The following GRID1 variants were observed in gnomAD, a reference collection of about 807,000 sequenced individuals.
GRID1 encodes glutamate ionotropic receptor delta type subunit 1.
A neutral mutation model predicts 98.0 loss-of-function variants in GRID1; 28 were observed. The ratio of observed to expected loss-of-function variants is 0.29; its 90% confidence interval spans 0.21 to 0.39. GRID1 has a LOEUF of 0.39. Among genes scored for constraint, GRID1 ranks in the 10% least tolerant of loss-of-function variants. The pLI is 1.00. For missense variants in GRID1, 1,111 were observed against 1,340.5 expected (o/e 0.83, Z 2.67); for synonymous variants, 553 against 538.5 (o/e 1.03, Z -0.37).
intron 4 of GRID1, among the ~76,000 whole-genome samples, chr10:85,993,367 C>T (rs1842704851): frequency 1.3e-5 from 2 of 152,222 alleles, no homozygotes. Flanking sequence ...TGGGCCATCC[C>T]AGGACACTGC....
chr10:86,111,465 C>T (rs1844483109), intron 4 of GRID1, among the ~76,000 whole-genome samples: 1 of 152,186 alleles, frequency 6.6e-6, no homozygotes, highest in Non-Finnish European at 1.5e-5. Context: ...TTGCCCCAAT[C>T]ACTGAAGTTA....
intron 5 of GRID1, among the ~76,000 whole-genome samples, chr10:85,889,483 G>T (rs1030989533): frequency 4.6e-5 from 7 of 152,134 alleles, no homozygotes; most frequent in African/African-American, 1.4e-4. Context: ...TGTCTCCCAG[G>T]TTCATAAATA....
intron 12 of GRID1, among the ~76,000 whole-genome samples, chr10:85,710,186 C>T (rs1231067722): frequency 2.6e-5 from 4 of 152,052 alleles, no homozygotes; most frequent in African/African-American, 9.7e-5. Context: ...GAAAAAAACA[C>T]AATTGAAGGT....
chr10:85,676,692 G>T (rs1425311516), intron 12 of GRID1, among the ~76,000 whole-genome samples: 1 of 152,192 alleles, frequency 6.6e-6, no homozygotes, highest in Non-Finnish European at 1.5e-5. Context: ...AAGCAATGAG[G>T]CACAGCACTG....
intron 4 of GRID1, among the ~76,000 whole-genome samples, chr10:86,131,741 C>G (rs1455358327): frequency 6.6e-6 from 1 of 152,130 alleles, no homozygotes; most frequent in Non-Finnish European, 1.5e-5. Context: ...AAAAATCAAA[C>G]ATTAAATTCT....
At chr10:86,223,822 C>A (rs1427362832) in intron 2 of GRID1, among the ~76,000 whole-genome samples, 1 of 151,946 alleles carries the variant, frequency 6.6e-6, no homozygotes, top group Admixed American at 6.6e-5. Flanking sequence ...AGACCAGGGA[C>A]CAGCAAGTGA....
chr10:86,295,749 A>G (rs1444320120), intron 2 of GRID1, among the ~76,000 whole-genome samples: 1 of 152,110 alleles, frequency 6.6e-6, no homozygotes, highest in African/African-American at 2.4e-5. Flanking sequence ...TTGGTCATCC[A>G]TATCCCCAGC....
chr10:85,998,755 A>G (rs1419501527), intron 4 of GRID1, among the ~76,000 whole-genome samples: 1 of 151,930 alleles, frequency 6.6e-6, no homozygotes, highest in African/African-American at 2.4e-5. Flanking sequence ...CAAACCTAAC[A>G]AAGAAAAGAG....
intron 4 of GRID1, among the ~76,000 whole-genome samples, chr10:86,120,395 C>T (rs1253537466): frequency 6.6e-6 from 1 of 152,204 alleles, no homozygotes; most frequent in Admixed American, 6.5e-5. Context: ...CTTCAGAGGA[C>T]GCCCTCACAA....
intron 5 of GRID1, among the ~76,000 whole-genome samples, chr10:85,907,593 A>G (rs1841480547): frequency 6.6e-6 from 1 of 152,242 alleles, no homozygotes; most frequent in African/African-American, 2.4e-5. Context: ...ATTCTAACAA[A>G]CATTTAGTGG....
chr10:85,599,802 A>AAAAAAAAAAAATATAT lies in GRID1; in HGVS notation c.*2470_*2471insATATATTTTTTTTTTT. On this transcript the variant is annotated 3_prime_UTR_variant, in exon 16 of 16. Transcript: ENST00000327946. ...GTAGAAAATTCTAAAAAAAAAAAAA[A>AAAAAAAAAAAATATAT]ATATATATATATATATATAAACATG... 11 of 64,974 alleles carry AAAAAAAAAAAATATAT rather than the reference A, an allele frequency of 1.7e-4. No homozygotes were observed. The highest frequency in any genetic ancestry group is 4.2e-4 in the East Asian group (1 of 2,354). 4.0% of individuals were successfully genotyped at this position (64,974 alleles called of 1,614,324 possible). A position where few individuals can be genotyped will look rare whatever the true frequency, so the allele number is the denominator to read the frequency against.
Position 85,896,832 on chromosome 10 carries a change from T to A in GRID1, c.780+19354A>T, listed in dbSNP as rs1168802312. ...ATACTTTGAAATAGTAATATTATCA[T>A]CAGAAGGAGACATCAAGAGATCTAG... On this transcript the variant is annotated intron_variant, in intron 5 of 15. Transcript: ENST00000327946. Among the ~76,000 whole-genome samples, 6 of 152,168 alleles carry A rather than the reference T, an allele frequency of 3.9e-5. No individual in the cohort carries two copies. In the South Asian group the frequency reaches 1.0e-3, roughly 26 times the overall value.
chr10:86,291,341 A>G (rs1173704597), intron 2 of GRID1, among the ~76,000 whole-genome samples: 3 of 152,312 alleles, frequency 2.0e-5, no homozygotes, highest in Admixed American at 2.0e-4. Flanking sequence ...TTTGGCCCAG[A>G]GACCGTGTTA....
At chr10:85,866,590 T>A (rs984757133) in intron 6 of GRID1, among the ~76,000 whole-genome samples, 2 of 152,102 alleles carry the variant, frequency 1.3e-5, no homozygotes, top group Non-Finnish European at 2.9e-5. Context: ...GATTTCAGAG[T>A]ACTTCAGATT....
At chr10:86,000,783 C>T (rs1842793657) in intron 4 of GRID1, among the ~76,000 whole-genome samples, 3 of 152,058 alleles carry the variant, frequency 2.0e-5, no homozygotes, top group Admixed American at 1.3e-4. Flanking sequence ...CAAAATGGAC[C>T]GTCATTCTGG....
At chr10:85,848,811 T>C (rs971708467) in intron 8 of GRID1, among the ~76,000 whole-genome samples, 1 of 152,208 alleles carries the variant, frequency 6.6e-6, no homozygotes, top group Admixed American at 6.5e-5. Context: ...GCAGCAGTGT[T>C]TGTTTCAGTT....
At chr10:85,863,170 C>T (rs1843181840) in intron 6 of GRID1, among the ~76,000 whole-genome samples, 1 of 152,188 alleles carries the variant, frequency 6.6e-6, no homozygotes, top group Non-Finnish European at 1.5e-5. Context: ...AATTTAACTT[C>T]TCACCGTTCT....
intron 8 of GRID1, among the ~76,000 whole-genome samples, chr10:85,838,204 A>T (rs1276265638): frequency 2.0e-5 from 3 of 152,206 alleles, no homozygotes; most frequent in South Asian, 4.1e-4. Context: ...CCTGAAAGAG[A>T]TGCAGAGAAT....
chr10:86,263,250 A>G (rs1477233225), intron 2 of GRID1, among the ~76,000 whole-genome samples: 3 of 152,258 alleles, frequency 2.0e-5, no homozygotes, highest in Non-Finnish European at 2.9e-5. Context: ...TTTGGTGGTT[A>G]GAGTGTGTGC....
Sources: gnomAD v4.1 joint callset for allele counts (sites outside exome capture counted in the v4.1 genomes callset) on GRCh38, gnomAD v4.1.1 for gene constraint, MANE v1.5 for transcripts, NCBI Gene and HGNC (gene_info 2026-07-23, HGNC 2026-07-21) for gene names.